The following TLN2 variants were observed in gnomAD, a reference collection of about 807,000 sequenced individuals.
TLN2 encodes talin-2.
Under a neutral mutation model 294.7 loss-of-function variants are expected in TLN2, and 118 were observed. The ratio of observed to expected loss-of-function variants is 0.40; its 90% CI spans 0.34 to 0.47. The LOEUF (loss-of-function observed/expected upper bound fraction) is 0.47. TLN2 is among the 20% of genes least tolerant of loss of function. TLN2 has a pLI of 0.84. For synonymous variants in TLN2, 1,431 were observed against 1,304.5 expected (o/e 1.10, Z -2.09); for missense variants, 3,083 against 3,282.2 (o/e 0.94, Z 1.48).
chr15:62,516,699 T>G (rs928492895), intron 1 of TLN2, among the ~76,000 whole-genome samples: 2 of 152,212 alleles, frequency 1.3e-5, no homozygotes, highest in African/African-American at 2.4e-5. Flanking sequence ...CCCACCCAGC[T>G]TAATTGGACA....
chr15:62,834,825 A>G (rs1422028034), intron 55 of TLN2: 2 of 152,202 alleles, frequency 1.3e-5, no homozygotes, highest in African/African-American at 4.8e-5. Context: ...TTCAACATTG[A>G]TAAAGGGCTA....
At chr15:62,479,899 A>C (rs1227564324) in intron 1 of TLN2, among the ~76,000 whole-genome samples, 1 of 152,252 alleles carries the variant, frequency 6.6e-6, no homozygotes, top group Non-Finnish European at 1.5e-5. Context: ...TAAACTCAAC[A>C]AAGTAATTCC....
intron 1 of TLN2, among the ~76,000 whole-genome samples, chr15:62,478,147 G>A (rs2037886777): frequency 6.6e-6 from 1 of 152,158 alleles, no homozygotes; most frequent in Non-Finnish European, 1.5e-5. Context: ...GGCAGGTGCA[G>A]CCTCTGATTT....
Position 62,792,700 on chromosome 15 carries a change from G to A in TLN2, c.5796G>A (p.Val1932=). 2.5e-6 allele frequency: 4 copies of A among 1,614,044 alleles called. No homozygotes were observed. Among genetic ancestry groups the A allele is most frequent in the Middle Eastern group, 1.7e-4 (1 of 6,048 alleles). Residue 1932 remains valine (V), a synonymous_variant, in exon 46 of 59, where the codon GTG becomes GTA. Coordinates refer to ENST00000636159, the MANE Select transcript of TLN2 (RefSeq NM_015059.3). ...QDLGHGCIFL[V]QKAGALQVCP... The stretch of plus-strand genomic sequence containing the variant: ...TGGGCCACGGCTGTATCTTCCTGGT[G>A]CAGAAGGCAGGGGCCCTCCAGGTCT...
At chr15:62,680,419 AT>A (rs968697116) in intron 11 of TLN2, among the ~76,000 whole-genome samples, 15 of 152,134 alleles carry the variant, frequency 9.9e-5, no homozygotes, top group Non-Finnish European at 2.1e-4. Context: ...TTATTGTTAA[AT>A]TGATTAAATT....
At chr15:62,677,729 CTTTCTCTTT>C (rs2056378430) in intron 11 of TLN2, among the ~76,000 whole-genome samples, 1 of 144,364 alleles carries the variant, frequency 6.9e-6, no homozygotes, top group African/African-American at 2.6e-5. Context: ...TCTTTCCCTT[CTTTCTCTTT>C]ATTTTTTTTT....
chr15:62,729,781 T>TA (rs1246847329), intron 28 of TLN2, among the ~76,000 whole-genome samples: 69 of 152,144 alleles, frequency 4.5e-4, no homozygotes, highest in Admixed American at 4.5e-3. Context: ...TCTATCATCT[T>TA]ACTATTTGTT....
intron 1 of TLN2, among the ~76,000 whole-genome samples, chr15:62,409,857 G>C (rs2033657184): frequency 6.6e-6 from 1 of 152,198 alleles, no homozygotes; most frequent in South Asian, 2.1e-4. Flanking sequence ...GTGCTTTGCA[G>C]ATGTTTCCAC....
intron 3 of TLN2, among the ~76,000 whole-genome samples, chr15:62,647,020 T>C (rs950036784): frequency 7.2e-5 from 11 of 152,180 alleles, no homozygotes; most frequent in African/African-American, 2.7e-4. Flanking sequence ...CATCTGGAGC[T>C]CCCTCCTCCT....
intron 1 of TLN2, among the ~76,000 whole-genome samples, chr15:62,447,526 G>T (rs1427086436): frequency 6.9e-6 from 1 of 145,932 alleles, no homozygotes; most frequent in East Asian, 2.0e-4. Flanking sequence ...ATGGAGTCTC[G>T]CTCTGTCGCC....
At chr15:62,427,828 G>C (rs557228198) in intron 1 of TLN2, among the ~76,000 whole-genome samples, 2 of 152,300 alleles carry the variant, frequency 1.3e-5, no homozygotes, top group African/African-American at 2.4e-5. Flanking sequence ...CATCTTGGCT[G>C]TTGCCCTCCA....
intron 1 of TLN2, among the ~76,000 whole-genome samples, chr15:62,462,461 G>A (rs1368680532): frequency 6.6e-6 from 1 of 152,120 alleles, no homozygotes; most frequent in African/African-American, 2.4e-5. Context: ...AGGGCCATCT[G>A]TTTTGGAAAC....
chr15:62,414,163 A>ATATATATATATAT (rs1555404130), intron 1 of TLN2, among the ~76,000 whole-genome samples: 1 of 37,364 alleles, frequency 2.7e-5, no homozygotes, highest in African/African-American at 6.8e-5. Flanking sequence ...AAAAAAAAAA[A>ATATATATATATAT]CTATATATAT....
intron 2 of TLN2, among the ~76,000 whole-genome samples, chr15:62,591,023 C>G (rs993412650): frequency 6.0e-5 from 9 of 150,626 alleles, no homozygotes; most frequent in African/African-American, 2.2e-4. Context: ...ATGATTAAAG[C>G]TGGATAGGTG....
chr15:62,627,427 G>C (rs1166134482), intron 3 of TLN2, among the ~76,000 whole-genome samples: 1 of 152,120 alleles, frequency 6.6e-6, no homozygotes, highest in Non-Finnish European at 1.5e-5. Context: ...GAGGGAATTA[G>C]GTAAGTATAA....
intron 19 of TLN2, among the ~76,000 whole-genome samples, chr15:62,703,118 T>C (rs2141103216): frequency 6.6e-6 from 1 of 152,114 alleles, no homozygotes; most frequent in South Asian, 2.1e-4. Context: ...TTTTTTTTTT[T>C]TTAAATTAGA....
Position 62,833,597 on chromosome 15 carries a change from G to T in TLN2, c.7096G>T (p.Ala2366Ser). Reference protein sequence around the residue: ...ATSALVKSASAAQRELVAQGK... With the variant: ...ATSALVKSASSAQRELVAQGK... ...AAGCGCCCTGGTCAAATCGGCCTCAGCAGCCCAGAGGGAGCTGGTGGCCCA... is the reference window on the plus strand; with the variant it reads ...AAGCGCCCTGGTCAAATCGGCCTCATCAGCCCAGAGGGAGCTGGTGGCCCA... Residue 2366 changes from alanine (A) to serine (S), a missense_variant, in exon 55 of 59, where the codon GCA becomes TCA. Transcript: ENST00000636159. The T allele has an allele frequency of 6.2e-7, 1 of 1,614,162 alleles. No homozygotes were observed. Among genetic ancestry groups the T allele is most frequent in the Non-Finnish European group, 8.5e-7 (1 of 1,180,026 alleles).
intron 45 of TLN2, chr15:62,784,685 A>AT (rs2064489848): frequency 6.6e-6 from 1 of 152,268 alleles, no homozygotes; most frequent in African/African-American, 2.4e-5. Context: ...GGCTTCTTAG[A>AT]GAAAGGAAGC....
chr15:62,725,014 T>A lies in TLN2; in HGVS notation c.3165T>A (p.Ala1055=). Residue 1055 remains alanine (A), a synonymous_variant, in exon 27 of 59, where the codon GCT becomes GCA. Transcript: ENST00000636159. ...GTGGTCCGATGGAAATCGATTCAGC[T>A]CTGAATACGGTGCAGACGCTTAAGA... ...EACGPMEIDS[A]LNTVQTLKNE... 1 of 1,613,528 alleles carries A rather than the reference T, an allele frequency of 6.2e-7. No individual in the cohort carries two copies. Among genetic ancestry groups the A allele is most frequent in the Non-Finnish European group, 8.5e-7 (1 of 1,179,788 alleles).
Sources: gnomAD v4.1 joint callset for allele counts (sites outside exome capture counted in the v4.1 genomes callset) on GRCh38, gnomAD v4.1.1 for gene constraint, MANE v1.5 for transcripts, NCBI Gene and HGNC (gene_info 2026-07-23, HGNC 2026-07-21) for gene names.